EYS: variants seen among roughly 807,000 people sequenced by gnomAD.
EYS encodes the protein EGF-like photoreceptor maintenance factor.
EYS carries 250 observed loss-of-function variants against 282.1 expected under a neutral mutation model. The ratio of observed to expected loss-of-function variants is 0.89; its 90% CI spans 0.80 to 0.98. The LOEUF is 0.98. Among genes scored for constraint, EYS ranks in the 50% least tolerant of loss-of-function variants. The pLI is 0.00. For synonymous variants in EYS, 1,355 were observed against 1,282.9 expected, an observed-to-expected ratio of 1.06 and a Z score of -1.20; for missense variants, 4,016 against 3,709.0, an observed-to-expected ratio of 1.08 and a Z score of -2.15.
intron 26 of EYS, among the ~76,000 whole-genome samples, chr6:64,459,083 T>C (rs904542697): frequency 5.3e-5 from 8 of 152,204 alleles, no homozygotes; most frequent in African/African-American, 1.9e-4. Context: ...CCAAAATGTA[T>C]CGTAAGCTAG....
intron 22 of EYS, among the ~76,000 whole-genome samples, chr6:64,727,079 A>G (rs1019052876): frequency 6.6e-6 from 1 of 152,218 alleles, no homozygotes; most frequent in Non-Finnish European, 1.5e-5. Context: ...GAATATGGAT[A>G]CAAAAATATA....
At chr6:65,141,902 G>A (rs1764354953) in intron 12 of EYS, among the ~76,000 whole-genome samples, 1 of 151,816 alleles carries the variant, frequency 6.6e-6, no homozygotes, top group Admixed American at 6.6e-5. Context: ...TTTGTTATAA[G>A]CAGATCTACT....
chr6:64,625,549 A>G (rs1362268793), intron 23 of EYS, among the ~76,000 whole-genome samples: 1 of 152,186 alleles, frequency 6.6e-6, no homozygotes, highest in Non-Finnish European at 1.5e-5. Flanking sequence ...ACTTTATAAA[A>G]GTGCTAATCC....
intron 22 of EYS, among the ~76,000 whole-genome samples, chr6:64,698,686 CA>C (rs1211201430): frequency 6.6e-6 from 1 of 152,062 alleles, no homozygotes; most frequent in East Asian, 1.9e-4. Context: ...CGACTCTTTT[CA>C]AAAGATTATA....
chr6:65,256,260 T>C (rs917166640), intron 12 of EYS, among the ~76,000 whole-genome samples: 4 of 141,334 alleles, frequency 2.8e-5, no homozygotes, highest in South Asian at 4.2e-4. Context: ...AAAGACAAAC[T>C]TCTTTTTTTT....
At chr6:65,015,592 G>GA (rs1181588092) in intron 13 of EYS, among the ~76,000 whole-genome samples, 1 of 152,014 alleles carries the variant, frequency 6.6e-6, no homozygotes, top group South Asian at 2.1e-4. Context: ...TTATTTTGCT[G>GA]AAAACTATAT....
intron 12 of EYS, among the ~76,000 whole-genome samples, chr6:65,279,413 C>T (rs78651201): frequency 0.01 from 1,559 of 152,238 alleles, 29 homozygotes; most frequent in African/African-American, 0.036. Flanking sequence ...TCTCCTATTG[C>T]CTCACTTTAT....
intron 31 of EYS, among the ~76,000 whole-genome samples, chr6:64,227,211 A>AT: frequency 6.6e-6 from 1 of 151,996 alleles, no homozygotes. Context: ...CTCAGACACA[A>AT]TTTTTTGGGC....
chr6:63,742,014 A>G lies in EYS; in HGVS notation c.8072-15334T>C, dbSNP rs567674867. On this transcript the variant is annotated intron_variant, in intron 41 of 42. Transcript: ENST00000503581. ...AGAAGGGTCTTTTTTGTCTGCTGCT[A>G]TTTGTGGCTCTTTATCAGCAGTCTA... is the stretch of plus-strand genomic sequence containing the variant. 1,127 of 700,916 alleles carry G rather than the reference A, an allele frequency of 1.6e-3. 14 individuals are homozygous for G. Among genetic ancestry groups the G allele is most frequent in the South Asian group, 8.4e-3 (567 of 67,544 alleles). 43.4% of individuals were successfully genotyped at this position (700,916 alleles called of 1,614,324 possible). A position where few individuals can be genotyped will look rare whatever the true frequency, so the allele number is the denominator to read the frequency against.
At chr6:64,119,618 G>A (rs1334453755) in intron 31 of EYS, among the ~76,000 whole-genome samples, 1 of 152,094 alleles carries the variant, frequency 6.6e-6, no homozygotes, top group African/African-American at 2.4e-5. Flanking sequence ...TTCCAGTAAT[G>A]GGTAATTTTA....
At chr6:65,680,954 C>T (rs1288263589) in intron 1 of EYS, among the ~76,000 whole-genome samples, 1 of 151,862 alleles carries the variant, frequency 6.6e-6, no homozygotes, top group East Asian at 1.9e-4. Context: ...GAGATTGCCT[C>T]CCACTGGCCA....
Position 65,344,026 on chromosome 6 carries a change from A to C in EYS, c.1599+12T>G. ...GAGAAAAATGAAAAGCAACTACATA[A>C]AATTACCTTACCTCTTTTGTGCCTT... On this transcript the variant is annotated intron_variant, in intron 10 of 42. Coordinates refer to ENST00000503581, the MANE Select transcript of EYS (RefSeq NM_001142800.2). The C allele has an allele frequency of 6.2e-7, 1 of 1,607,352 alleles. No individual in the cohort carries two copies. Among genetic ancestry groups the C allele is most frequent in the South Asian group, 1.1e-5 (1 of 90,936 alleles).
In EYS at chr6:64,883,692, T is replaced by C. The variant is rs927078272; in HGVS notation, c.2992+3005A>G. On this transcript the variant is annotated intron_variant, in intron 19 of 42. Coordinates refer to ENST00000503581, the MANE Select transcript of EYS (RefSeq NM_001142800.2). ...CTCAAATTCGTAAGCCAATATTCTT[T>C]AGGAAAGACAAAGTTAGACAACACT... Among the ~76,000 whole-genome samples the C allele has an allele frequency of 6.6e-5, 10 of 151,494 alleles. No individual in the cohort carries two copies. In the East Asian group the frequency reaches 1.9e-3, roughly 29 times the overall value.
chr6:64,440,175 A>C (rs933573941), intron 26 of EYS, among the ~76,000 whole-genome samples: 1 of 151,928 alleles, frequency 6.6e-6, no homozygotes, highest in Non-Finnish European at 1.5e-5. Flanking sequence ...AACTACTAGA[A>C]AATATTATTT....
At chr6:64,909,197 A>G (rs1472216284) in intron 16 of EYS, among the ~76,000 whole-genome samples, 2 of 152,190 alleles carry the variant, frequency 1.3e-5, no homozygotes, top group Non-Finnish European at 2.9e-5. Flanking sequence ...GGAAATCAGT[A>G]TGTTTGTTGA....
rs1767953634 is a variant in EYS, at chr6:65,273,312, A to G, written c.2023+22551T>C. Among the ~76,000 whole-genome samples the G allele has an allele frequency of 2.6e-5, 4 of 152,194 alleles. No individual in the cohort carries two copies. In the South Asian group the frequency reaches 6.2e-4, roughly 24 times the overall value. On this transcript the variant is annotated intron_variant, in intron 12 of 42. Coordinates refer to ENST00000503581, the MANE Select transcript of EYS (RefSeq NM_001142800.2). The stretch of plus-strand genomic sequence containing the variant: ...CTGGACTGTTAGTCTTTCCACCAGC[A>G]TTCCACAAGTGACTCCACAGCCTTT...
intron 2 of EYS, among the ~76,000 whole-genome samples, chr6:65,564,079 C>T (rs1332723586): frequency 2.6e-5 from 4 of 151,900 alleles, no homozygotes; most frequent in African/African-American, 9.7e-5. Flanking sequence ...TGTGAAGGAC[C>T]GCTTCAGGGA....
Position 63,864,247 on chromosome 6 carries a change from T to A in EYS, c.7167A>T (p.Lys2389Asn). ...AGAGGCAGACAATATCTGTTCCGGA[T>A]TTTGGAACACAGGTGGCACCATTTC... ...PCGNGATCVPKSGTDIVCLCP... is the reference protein window; with the variant it reads ...PCGNGATCVPNSGTDIVCLCP... The change falls in exon 36 of 43, where the codon AAA becomes AAT. Residue 2389 changes from lysine to asparagine, a missense_variant. By Grantham distance (94) the Lys-to-Asn change is moderately conservative. Transcript: ENST00000503581. The A allele has an allele frequency of 6.4e-7, 1 of 1,550,654 alleles. No individual in the cohort carries two copies. Among genetic ancestry groups the A allele is most frequent in the Non-Finnish European group, 8.7e-7 (1 of 1,146,374 alleles).
chr6:64,338,781 T>C (rs986067111), intron 29 of EYS, among the ~76,000 whole-genome samples: 3 of 151,946 alleles, frequency 2.0e-5, no homozygotes, highest in East Asian at 1.9e-4. Context: ...AGTATCAACA[T>C]AGGCACATAG....
Sources: gnomAD v4.1 joint callset for allele counts (sites outside exome capture counted in the v4.1 genomes callset) on GRCh38, gnomAD v4.1.1 for gene constraint, MANE v1.5 for transcripts, NCBI Gene and HGNC (gene_info 2026-07-23, HGNC 2026-07-21) for gene names.